PCDHA11: variants seen among roughly 807,000 people sequenced by gnomAD.
PCDHA11 encodes protocadherin alpha-11.
In PCDHA11, 61 loss-of-function variants were observed where a neutral mutation model predicts 70.3. That is an observed-to-expected ratio of 0.87 (90% CI 0.71 to 1.07). PCDHA11 has a LOEUF of 1.07. Ranked by LOEUF, PCDHA11 falls within the 50% of genes least tolerant of loss-of-function variation. The pLI is 0.00. For synonymous variants in PCDHA11, 633 were observed against 555.1 expected, an observed-to-expected ratio of 1.14 and a Z score of -1.97; for missense variants, 1,324 against 1,237.5, an observed-to-expected ratio of 1.07 and a Z score of -1.05.
At chr5:140,918,042 A>C (rs1363704503) in intron 1 of PCDHA11, among the ~76,000 whole-genome samples, 1 of 152,088 alleles carries the variant, frequency 6.6e-6, no homozygotes, top group African/African-American at 2.4e-5. Flanking sequence ...AGGTCTTTCC[A>C]TTTGTTTTAT....
At chr5:141,005,313 T>C (rs1157761147) in intron 3 of PCDHA11, among the ~76,000 whole-genome samples, 1 of 151,958 alleles carries the variant, frequency 6.6e-6, no homozygotes, top group Non-Finnish European at 1.5e-5. Flanking sequence ...AATCTTACAG[T>C]GGTAGAGAAT....
chr5:140,876,378 T>A, intron 1 of PCDHA11: 1 of 1,613,948 alleles, frequency 6.2e-7, no homozygotes, highest in Non-Finnish European at 8.5e-7. Context: ...CAGGTGAAAT[T>A]AGAATTTATG....
chr5:140,971,202 C>T (rs1486022070), intron 1 of PCDHA11, among the ~76,000 whole-genome samples: 1 of 152,156 alleles, frequency 6.6e-6, no homozygotes, highest in Non-Finnish European at 1.5e-5. Context: ...AGGAAAGACA[C>T]TGTTACCCTC....
chr5:140,891,345 G>T (rs2063056241), intron 1 of PCDHA11, among the ~76,000 whole-genome samples: 1 of 151,958 alleles, frequency 6.6e-6, no homozygotes, highest in Admixed American at 6.6e-5. Context: ...AGATTTTGGT[G>T]CATCCATCAC....
At chr5:140,978,767 AC>A (rs1167493285) in intron 1 of PCDHA11, among the ~76,000 whole-genome samples, 181 bp from the exon 2 acceptor site, 4 of 152,342 alleles carry the variant, frequency 2.6e-5, no homozygotes, top group South Asian at 2.1e-4. Flanking sequence ...ACCCTGATGA[AC>A]TAATTTTCTT....
At chr5:140,878,461 T>G (rs1274651575) in intron 1 of PCDHA11, among the ~76,000 whole-genome samples, 1 of 152,230 alleles carries the variant, frequency 6.6e-6, no homozygotes, top group Non-Finnish European at 1.5e-5. Context: ...TGAAATATAA[T>G]AAAATCATTT....
chr5:140,881,398 AT>A (rs1269168835), intron 1 of PCDHA11: 1 of 975,426 alleles, frequency 1.0e-6, no homozygotes, highest in Non-Finnish European at 1.2e-6. Context: ...GTTAAATTCT[AT>A]TAAATCAATA....
At chr5:140,877,498 C>G in intron 1 of PCDHA11, 1 of 1,613,844 alleles carries the variant, frequency 6.2e-7, no homozygotes, top group Non-Finnish European at 8.5e-7. Context: ...CGGCCAGGCC[C>G]CAAAGACGTC....
intron 1 of PCDHA11, among the ~76,000 whole-genome samples, chr5:140,973,733 C>G (rs1273705154): frequency 6.6e-6 from 1 of 152,216 alleles, no homozygotes; most frequent in Non-Finnish European, 1.5e-5. Context: ...GGCATCTGGT[C>G]TAACTCAGAA....
At chr5:140,954,787 T>C (rs2095088208) in intron 1 of PCDHA11, among the ~76,000 whole-genome samples, 1 of 152,218 alleles carries the variant, frequency 6.6e-6, no homozygotes, top group African/African-American at 2.4e-5. Flanking sequence ...TAGATCTCAT[T>C]TGTCAATTTT....
chr5:140,884,490 G>A (rs2060210547), intron 1 of PCDHA11: 1 of 1,614,064 alleles, frequency 6.2e-7, no homozygotes, highest in Non-Finnish European at 8.5e-7. Flanking sequence ...ACTCTAGTGT[G>A]CTCCAGCGCG....
At chr5:140,900,673 A>T (rs936784929) in intron 1 of PCDHA11, among the ~76,000 whole-genome samples, 6 of 152,210 alleles carry the variant, frequency 3.9e-5, no homozygotes, top group African/African-American at 1.4e-4. Context: ...GAGTGCAGTT[A>T]TCTCTTCAAT....
intron 1 of PCDHA11, among the ~76,000 whole-genome samples, chr5:140,950,215 T>C (rs2094460409): frequency 6.6e-6 from 1 of 152,030 alleles, no homozygotes; most frequent in Non-Finnish European, 1.5e-5. Flanking sequence ...TACCTAGTCA[T>C]TTACCATTTC....
intron 1 of PCDHA11, among the ~76,000 whole-genome samples, chr5:140,881,608 C>T (rs1254695632): frequency 6.6e-6 from 1 of 152,154 alleles, no homozygotes; most frequent in Non-Finnish European, 1.5e-5. Flanking sequence ...ATATGATGTG[C>T]TTATTCAAAA....
Position 140,869,581 on chromosome 5 carries a change from G to A in PCDHA11, c.478G>A (p.Ala160Thr). 1.9e-6 allele frequency: 3 copies of A among 1,614,134 alleles called. No individual in the cohort carries two copies. Among genetic ancestry groups the A allele is most frequent in the East Asian group, 2.2e-5 (1 of 44,884 alleles). Residue 160 changes from alanine to threonine, a missense_variant, in exon 1 of 4, where the codon GCT becomes ACT. Transcript: ENST00000398640. The stretch of plus-strand genomic sequence containing the variant: ...TTTTCCACTAGAGGGAGCTTCTGAT[G>A]CTGACATTGAAGAGAATGCTCTATT... ...SRFPLEGASD[A>T]DIEENALLTY... is the part of the protein sequence containing the mutation.
At chr5:140,968,396 G>A (rs1181874720) in intron 1 of PCDHA11, 1 of 1,613,890 alleles carries the variant, frequency 6.2e-7, no homozygotes, top group Non-Finnish European at 8.5e-7. Flanking sequence ...GAAGTTTCGG[G>A]AGTTCTTTGT....
At chr5:140,950,043 A>T (rs1011500100) in intron 1 of PCDHA11, among the ~76,000 whole-genome samples, 1 of 151,950 alleles carries the variant, frequency 6.6e-6, no homozygotes, top group Non-Finnish European at 1.5e-5. Flanking sequence ...TTACAACCAT[A>T]TAAGACTATT....
At chr5:140,954,650 C>G (rs2095069221) in intron 1 of PCDHA11, among the ~76,000 whole-genome samples, 1 of 151,902 alleles carries the variant, frequency 6.6e-6, no homozygotes, top group Non-Finnish European at 1.5e-5. Context: ...TGTTTAAGTT[C>G]CTTGTAGACT....
intron 1 of PCDHA11, among the ~76,000 whole-genome samples, chr5:140,953,778 A>T (rs782648195): frequency 2.0e-5 from 3 of 151,986 alleles, no homozygotes; most frequent in Non-Finnish European, 2.9e-5. Context: ...ATATTTATTT[A>T]TTTTTTTCTT....
Sources: gnomAD v4.1 joint callset for allele counts (sites outside exome capture counted in the v4.1 genomes callset) on GRCh38, gnomAD v4.1.1 for gene constraint, MANE v1.5 for transcripts, NCBI Gene and HGNC (gene_info 2026-07-23, HGNC 2026-07-21) for gene names.